CSMD1: variants seen among roughly 807,000 people sequenced by gnomAD.
CSMD1 encodes the protein CUB and Sushi multiple domains 1, also known as CUB and sushi domain-containing protein 1.
A neutral mutation model predicts 417.5 loss-of-function variants in CSMD1; 213 were observed. That is an observed-to-expected ratio of 0.51 (90% CI 0.46 to 0.57). The LOEUF (loss-of-function observed/expected upper bound fraction) is 0.57, where lower values mean the gene tolerates loss of function less well. CSMD1 is among the 20% of genes least tolerant of loss of function. The probability of loss-of-function intolerance (pLI) is 0.00; values close to 1 mark genes in which losing one functional copy is unlikely to be tolerated. For missense variants in CSMD1, 6,923 were observed against 4,529.7 expected, an observed-to-expected ratio of 1.53 and a Z score of -15.17; for synonymous variants, 2,862 against 1,736.8, an observed-to-expected ratio of 1.65 and a Z score of -16.11.
In CSMD1 at chr8:3,669,692, G is replaced by A. The variant is rs370021976; in HGVS notation, c.1009+38722C>T. On this transcript the variant is annotated intron_variant, in intron 7 of 69. Transcript: ENST00000635120. Reference sequence around the variant, plus strand: ...GCTCAGCACCTATTCTGTGTGAGGCGTTATGCTAGGAACTGGGTACAAAGA... The same window carrying A: ...GCTCAGCACCTATTCTGTGTGAGGCATTATGCTAGGAACTGGGTACAAAGA... Among the ~76,000 whole-genome samples, 14 of 152,176 alleles carry A rather than the reference G, an allele frequency of 9.2e-5. No individual in the cohort carries two copies. The South Asian group carries it at 2.1e-3, about 23-fold the overall frequency.
chr8:3,486,809 C>A (rs1002050550), intron 11 of CSMD1, among the ~76,000 whole-genome samples: 1 of 152,194 alleles, frequency 6.6e-6, no homozygotes, highest in Non-Finnish European at 1.5e-5. Context: ...GCTGCTAGCC[C>A]AAATCCAAAA....
chr8:4,507,229 A>T (rs889640570), intron 2 of CSMD1, among the ~76,000 whole-genome samples: 13 of 152,204 alleles, frequency 8.5e-5, no homozygotes, highest in African/African-American at 3.1e-4. Context: ...GATAGTAGAT[A>T]CCCATGCAAA....
intron 5 of CSMD1, among the ~76,000 whole-genome samples, chr8:3,994,009 C>G (rs527310974): frequency 4.9e-4 from 75 of 152,190 alleles, no homozygotes; most frequent in African/African-American, 1.8e-3. Flanking sequence ...ATGGGCGTGC[C>G]TGGCAGGGAG....
intron 25 of CSMD1, among the ~76,000 whole-genome samples, chr8:3,294,149 T>A (rs1210465158): frequency 6.6e-6 from 1 of 152,216 alleles, no homozygotes; most frequent in Admixed American, 6.5e-5. Flanking sequence ...CAGATGTTGG[T>A]GAACAGCAAA....
At chr8:3,915,712 T>A (rs74439901) in intron 5 of CSMD1, among the ~76,000 whole-genome samples, 4 of 151,062 alleles carry the variant, frequency 2.6e-5, no homozygotes, top group Admixed American at 6.6e-5. Context: ...AATTTATTGG[T>A]TGAATGTTAA....
chr8:4,857,203 G>C (rs963461353), intron 1 of CSMD1, among the ~76,000 whole-genome samples: 8 of 150,178 alleles, frequency 5.3e-5, no homozygotes, highest in African/African-American at 1.7e-4. Context: ...AAATAAAGAT[G>C]TTCTTTGAAA....
Position 3,470,539 on chromosome 8 carries a change from T to C in CSMD1, c.1449-1715A>G, listed in dbSNP as rs112906655. Among the ~76,000 whole-genome samples the C allele has an allele frequency of 4.6e-5, 7 of 152,292 alleles. 1 individual carries two copies. The highest frequency in any genetic ancestry group is 1.2e-4 in the African/African-American group (5 of 41,562). The stretch of plus-strand genomic sequence containing the variant: ...CCCTGTTTTATTCGTATTTTGTATG[T>C]ACATTTGTGCATGTAGCTCTGCACA... On this transcript the variant is annotated intron_variant, in intron 11 of 69. Coordinates refer to ENST00000635120, the MANE Select transcript of CSMD1 (RefSeq NM_033225.6).
intron 5 of CSMD1, among the ~76,000 whole-genome samples, chr8:3,789,859 G>C (rs1466135228): frequency 2.0e-5 from 3 of 150,986 alleles, no homozygotes; most frequent in African/African-American, 7.3e-5. Flanking sequence ...AGCCTCCCAA[G>C]TAGCTGGGAC....
intron 1 of CSMD1, among the ~76,000 whole-genome samples, chr8:4,680,772 G>A (rs912244921): frequency 1.3e-5 from 2 of 152,010 alleles, no homozygotes; most frequent in African/African-American, 4.8e-5. Context: ...TAGAGACGAG[G>A]TTTCACCATG....
chr8:4,394,553 A>C (rs1804074225), intron 3 of CSMD1, among the ~76,000 whole-genome samples: 1 of 152,136 alleles, frequency 6.6e-6, no homozygotes, highest in Admixed American at 6.5e-5. Context: ...CTTTGGAGCA[A>C]ATGGACTTTG....
At chr8:3,181,847 G>C (rs1821349070) in intron 36 of CSMD1, among the ~76,000 whole-genome samples, 1 of 152,160 alleles carries the variant, frequency 6.6e-6, no homozygotes, top group South Asian at 2.1e-4. Flanking sequence ...CAGATACCGA[G>C]GACCAGGGTA....
At chr8:4,023,780 TTTTTG>T (rs1194232770) in intron 4 of CSMD1, among the ~76,000 whole-genome samples, 4,029 of 114,756 alleles carry the variant, frequency 0.035, 96 homozygotes, top group Non-Finnish European at 0.045. Flanking sequence ...TTTTTTTTTT[TTTTTG>T]TGTGTGTATT....
intron 4 of CSMD1, among the ~76,000 whole-genome samples, chr8:4,007,643 T>A (rs959826420): frequency 8.5e-5 from 13 of 152,112 alleles, no homozygotes; most frequent in African/African-American, 2.7e-4. Flanking sequence ...CACCTGTTCC[T>A]AGGAGGCGGC....
At chr8:4,298,990 G>T (rs1797835492) in intron 3 of CSMD1, among the ~76,000 whole-genome samples, 1 of 151,930 alleles carries the variant, frequency 6.6e-6, no homozygotes, top group African/African-American at 2.4e-5. Flanking sequence ...TTGCTTTGCA[G>T]ATCTACTGAT....
At chr8:3,992,542 G>C (rs140187307) in intron 5 of CSMD1, among the ~76,000 whole-genome samples, 2 of 152,300 alleles carry the variant, frequency 1.3e-5, no homozygotes, top group East Asian at 3.9e-4. Flanking sequence ...TCCACACTTT[G>C]GGAGGCTGAG....
intron 4 of CSMD1, among the ~76,000 whole-genome samples, chr8:4,025,319 T>C (rs1797005945): frequency 6.6e-6 from 1 of 152,224 alleles, no homozygotes; most frequent in African/African-American, 2.4e-5. Flanking sequence ...CTTTCATGTT[T>C]TCCAGTCAGG....
At position 3,575,046 on chromosome 8, in the gene CSMD1, G is replaced by T. The variant is rs766965013; in HGVS notation, c.1243C>A (p.Leu415Met). Residue 415 changes from leucine to methionine, a missense_variant, in exon 10 of 70, where the codon CTG becomes ATG. Transcript: ENST00000635120. Reference sequence around the variant, plus strand: ...GTAATGACGCCGCTGGGCCCACGCAGATTGGATCCACATGTTCTCGCTGGA... The same window carrying T: ...GTAATGACGCCGCTGGGCCCACGCATATTGGATCCACATGTTCTCGCTGGA... ...ICRARTCGSN[L>M]RGPSGVITSP... The T allele has an allele frequency of 1.9e-6, 3 of 1,612,962 alleles. No individual in the cohort carries two copies. The Admixed American group carries it at 5.0e-5, about 27-fold the overall frequency.
In CSMD1 at chr8:4,863,423, T is replaced by C. The variant is rs552146463; in HGVS notation, c.85+130909A>G. On this transcript the variant is annotated intron_variant, in intron 1 of 69. Transcript: ENST00000635120. ...CTTTGGCCCTCCCCATGAGACTCAA[T>C]AGACCAGAGCATGAATCCAGATTCT... Among the ~76,000 whole-genome samples, 5 of 152,238 alleles carry C rather than the reference T, an allele frequency of 3.3e-5. No homozygotes were observed. In the East Asian group the frequency reaches 9.6e-4, roughly 29 times the overall value.
chr8:4,414,574 C>G (rs976158033), intron 3 of CSMD1, among the ~76,000 whole-genome samples: 1 of 152,122 alleles, frequency 6.6e-6, no homozygotes. Flanking sequence ...CATATAATCT[C>G]TTTATCTTTA....
Sources: gnomAD v4.1 joint callset for allele counts (sites outside exome capture counted in the v4.1 genomes callset) on GRCh38, gnomAD v4.1.1 for gene constraint, MANE v1.5 for transcripts, NCBI Gene and HGNC (gene_info 2026-07-23, HGNC 2026-07-21) for gene names.